Variants in LPGAT1 observed in about 807,000 individuals in gnomAD.
LPGAT1 encodes acyl-CoA:lysophosphatidylglycerol acyltransferase 1.
A neutral mutation model predicts 47.5 loss-of-function variants in LPGAT1; 11 were observed. The ratio of observed to expected loss-of-function variants is 0.23; its 90% CI spans 0.15 to 0.38. LPGAT1 has a LOEUF of 0.38. LPGAT1 is among the 10% of genes least tolerant of loss of function. The pLI is 1.00. For missense variants in LPGAT1, 293 were observed against 439.0 expected (o/e 0.67, Z 2.97); for synonymous variants, 138 against 144.2 (o/e 0.96, Z 0.31).
chr1:211,805,115 GA>G (rs34306984), intron 2 of LPGAT1, among the ~76,000 whole-genome samples: 8 of 147,260 alleles, frequency 5.4e-5, no homozygotes, highest in Admixed American at 1.3e-4. Flanking sequence ...TCAATGAAAT[GA>G]AAAAAAAAAT....
chr1:211,821,107 T>C (rs1262348377), intron 2 of LPGAT1, among the ~76,000 whole-genome samples: 2 of 152,070 alleles, frequency 1.3e-5, no homozygotes, highest in Non-Finnish European at 2.9e-5. Flanking sequence ...AATACAAAAA[T>C]TAGCTGGGTG....
rs1371711449 is a variant in LPGAT1, at chr1:211,746,013, CAATT to C, written c.*3882_*3885del. On this transcript the variant is annotated 3_prime_UTR_variant, in exon 8 of 8. Transcript: ENST00000366997. ...GACTTCAAAAAAAGAACAAAGAAAA[CAATT>C]AACTCTTCCTACTCAGTAGTGCAAA... The C allele has an allele frequency of 6.6e-6, 1 of 152,568 alleles. No homozygotes were observed. The highest frequency in any genetic ancestry group is 2.4e-5 in the African/African-American group (1 of 41,412). The allele number at this position is 152,568 out of a possible 1,614,324, so 9.5% of individuals were successfully genotyped here. A position where few individuals can be genotyped will look rare whatever the true frequency, so the allele number is the denominator to read the frequency against.
chr1:211,790,159 T>C (rs934590872), intron 3 of LPGAT1, among the ~76,000 whole-genome samples: 2 of 152,144 alleles, frequency 1.3e-5, no homozygotes, highest in African/African-American at 4.8e-5. Flanking sequence ...TGGTTTTCCA[T>C]TGGGTGAGTA....
intron 1 of LPGAT1, chr1:211,829,608 G>A: frequency 8.4e-7 from 1 of 1,192,366 alleles, no homozygotes; most frequent in South Asian, 2.2e-5. Flanking sequence ...GGCCGTCCCC[G>A]CACCGTGTCT....
chr1:211,782,706 G>C (rs1654415141), intron 5 of LPGAT1, among the ~76,000 whole-genome samples: 1 of 151,984 alleles, frequency 6.6e-6, no homozygotes, highest in Admixed American at 6.6e-5. Flanking sequence ...CTGCACTCCA[G>C]CCTGGACAAC....
intron 6 of LPGAT1, among the ~76,000 whole-genome samples, chr1:211,758,070 G>T (rs1245313394): frequency 6.6e-6 from 1 of 152,212 alleles, no homozygotes; most frequent in African/African-American, 2.4e-5. Flanking sequence ...TCCTCACCCT[G>T]CTGTATCTTG....
intron 3 of LPGAT1, among the ~76,000 whole-genome samples, chr1:211,788,708 A>C (rs12144899): frequency 0.12 from 18,050 of 151,982 alleles, 1,242 homozygotes; most frequent in Non-Finnish European, 0.15. Context: ...TTAAAAGTAC[A>C]AACGGGATCT....
In LPGAT1 at chr1:211,779,149, T is replaced by G. The variant is rs1041373922; in HGVS notation, c.728-105A>C. ...GTGTAAGATATATCACTATACCTTT[T>G]GCATTAAGAAAAATTCTAAGGATGA... On this transcript the variant is annotated intron_variant, in intron 5 of 7. Transcript: ENST00000366997. 2.3e-5 allele frequency: 19 copies of G among 841,440 alleles called. No individual in the cohort carries two copies. The Admixed American group carries it at 5.8e-4, about 26-fold the overall frequency. The allele number at this position is 841,440 out of a possible 1,614,324, so 52.1% of individuals were successfully genotyped here.
At chr1:211,821,210 C>T (rs528498773) in intron 2 of LPGAT1, among the ~76,000 whole-genome samples, 14 of 152,162 alleles carry the variant, frequency 9.2e-5, no homozygotes, top group African/African-American at 2.2e-4. Context: ...GAGCTGAGAA[C>T]GCACCACTGC....
At chr1:211,754,660 A>G (rs1371534856) in intron 6 of LPGAT1, among the ~76,000 whole-genome samples, 2 of 152,192 alleles carry the variant, frequency 1.3e-5, no homozygotes, top group African/African-American at 4.8e-5. Flanking sequence ...TTTTGGGTTT[A>G]GGCAAAATGA....
At chr1:211,758,116 A>G (rs1448141672) in intron 6 of LPGAT1, among the ~76,000 whole-genome samples, 1 of 152,206 alleles carries the variant, frequency 6.6e-6, no homozygotes, top group Non-Finnish European at 1.5e-5. Context: ...TCCTGCCATC[A>G]TGTCCATTTG....
Position 211,783,214 on chromosome 1 carries a change from T to G in LPGAT1, c.727+15A>C. 6.3e-7 allele frequency: 1 copy of G among 1,581,994 alleles called. No individual in the cohort carries two copies. The highest frequency in any genetic ancestry group is 8.6e-7 in the Non-Finnish European group (1 of 1,159,548). ...TTAACTCCAACAAGGTAAAAAATGC[T>G]AAAAACCATCATACCTAATTCTTTA... is the stretch of plus-strand genomic sequence containing the variant. On this transcript the variant is annotated intron_variant, in intron 5 of 7. Transcript: ENST00000366997.
chr1:211,811,527 T>G (rs1024099151), intron 2 of LPGAT1, among the ~76,000 whole-genome samples: 1 of 151,946 alleles, frequency 6.6e-6, no homozygotes, highest in Non-Finnish European at 1.5e-5. Flanking sequence ...GAGGCCAAGG[T>G]GGGTGGACTA....
intron 6 of LPGAT1, among the ~76,000 whole-genome samples, chr1:211,757,134 G>A (rs1340144462): frequency 6.6e-6 from 1 of 151,948 alleles, no homozygotes; most frequent in African/African-American, 2.4e-5. Context: ...GCAGGTGCCT[G>A]TAATCCTAGC....
intron 4 of LPGAT1, 126 bp downstream of exon 4, chr1:211,787,506 A>C: frequency 2.3e-6 from 1 of 434,092 alleles, no homozygotes; most frequent in Non-Finnish European, 4.1e-6. Context: ...AAAAAAAAAA[A>C]AAAGCTCCCT....
At chr1:211,786,832 G>A (rs535315750) in intron 4 of LPGAT1, among the ~76,000 whole-genome samples, 6 of 152,102 alleles carry the variant, frequency 3.9e-5, no homozygotes, top group African/African-American at 1.2e-4. Flanking sequence ...ATACAACAGT[G>A]CCTTGTAAAT....
chr1:211,759,802 TAAACA>T (rs1328824102), intron 6 of LPGAT1, among the ~76,000 whole-genome samples: 1 of 152,222 alleles, frequency 6.6e-6, no homozygotes. Context: ...GCTCTACTGA[TAAACA>T]GTTTCTCATC....
intron 2 of LPGAT1, among the ~76,000 whole-genome samples, chr1:211,808,993 C>T (rs983653799): frequency 6.6e-6 from 1 of 151,118 alleles, no homozygotes; most frequent in Admixed American, 6.6e-5. Flanking sequence ...GTCAGGAGAT[C>T]GAGACCATCC....
chr1:211,820,505 C>A (rs1660331249), intron 2 of LPGAT1, among the ~76,000 whole-genome samples: 3 of 142,032 alleles, frequency 2.1e-5, no homozygotes, highest in Admixed American at 7.2e-5. Flanking sequence ...GTCTAGATAA[C>A]AGGAATAGGG....
Sources: allele counts gnomAD v4.1 joint callset (sites outside exome capture counted in the v4.1 genomes callset), GRCh38; gene constraint gnomAD v4.1.1; transcripts MANE v1.5; gene names NCBI Gene and HGNC (gene_info 2026-07-23, HGNC 2026-07-21).